Variants in PCDHA2 observed in about 807,000 individuals in gnomAD.
The protein encoded by PCDHA2 is protocadherin alpha 2.
In PCDHA2, 58 loss-of-function variants were observed where a neutral mutation model predicts 66.0. The observed-to-expected ratio is 0.88, with a 90% CI of 0.71 to 1.09. The LOEUF (loss-of-function observed/expected upper bound fraction) is 1.09, where lower values mean the gene tolerates loss of function less well. PCDHA2 is among the 50% of genes least tolerant of loss of function. The pLI, the probability that PCDHA2 is intolerant of heterozygous loss-of-function variation, is 0.00. For synonymous variants in PCDHA2, 634 were observed against 554.0 expected (o/e 1.14, Z -2.03); for missense variants, 1,267 against 1,242.3 (o/e 1.02, Z -0.30).
At chr5:141,000,391 CTCTCTA>C (rs1434799221) in intron 3 of PCDHA2, among the ~76,000 whole-genome samples, 1,083 of 55,870 alleles carry the variant, frequency 0.019, 5 homozygotes, top group Non-Finnish European at 0.023. Context: ...CTCTCTCTCT[CTCTCTA>C]TATATATATA....
At chr5:140,912,174 A>G (rs2075803513) in intron 1 of PCDHA2, among the ~76,000 whole-genome samples, 1 of 152,166 alleles carries the variant, frequency 6.6e-6, no homozygotes, top group Non-Finnish European at 1.5e-5. Flanking sequence ...CTGTGCTGGC[A>G]GCTGATTAGA....
intron 1 of PCDHA2, chr5:140,827,972 T>C: frequency 7.9e-6 from 11 of 1,394,734 alleles, no homozygotes; most frequent in Non-Finnish European, 9.7e-6. Flanking sequence ...TACTGCATCA[T>C]TCCCTGACTG....
intron 1 of PCDHA2, among the ~76,000 whole-genome samples, chr5:140,880,485 G>T (rs957327401): frequency 6.6e-6 from 1 of 152,190 alleles, no homozygotes; most frequent in Non-Finnish European, 1.5e-5. Flanking sequence ...GACACAAGAA[G>T]AGAGCAATTG....
rs781889265 is a variant in PCDHA2, at chr5:140,797,256, C to T, written c.2292C>T (p.Pro764=). The change falls in exon 1 of 4, where the codon CCC becomes CCT. Residue 764 remains proline (P), a synonymous_variant. Transcript: ENST00000526136. ...RRQRVCSGED[P]PKTDLMAFSP... is the part of the protein sequence containing the mutation. ...AGAGGGTGTGCTCTGGGGAGGACCC[C>T]CCCAAGACGGACCTCATGGCCTTCA... The T allele has an allele frequency of 1.2e-6, 2 of 1,614,204 alleles. No individual in the cohort carries two copies. Among genetic ancestry groups the T allele is most frequent in the South Asian group, 2.2e-5 (2 of 91,088 alleles).
At chr5:140,823,299 G>C (rs2150124417) in intron 1 of PCDHA2, 11 of 1,612,248 alleles carry the variant, frequency 6.8e-6, no homozygotes, top group Middle Eastern at 2.0e-4. Context: ...GTTACGTTTC[G>C]GTGCACGCGG....
In PCDHA2 at chr5:140,848,334, A is replaced by G. The variant is rs2150408949; in HGVS notation, c.2388+50982A>G. ...TTGCCGCGATGTTCTCTCTGAATCC[A>G]GACAAATACAGCCCTTTTCCCATGG... On this transcript the variant is annotated intron_variant, in intron 1 of 3. Transcript: ENST00000526136. 43 of 850,658 alleles carry G rather than the reference A, an allele frequency of 5.1e-5. 3 individuals are homozygous for G. Among genetic ancestry groups the G allele is most frequent in the Non-Finnish European group, 7.6e-5 (41 of 539,362 alleles). 52.7% of individuals were successfully genotyped at this position (850,658 alleles called of 1,614,324 possible). A position where few individuals can be genotyped will look rare whatever the true frequency, so the allele number is the denominator to read the frequency against.
chr5:140,974,578 C>A (rs1554236214), intron 1 of PCDHA2, among the ~76,000 whole-genome samples: 1 of 152,170 alleles, frequency 6.6e-6, no homozygotes, highest in Non-Finnish European at 1.5e-5. Flanking sequence ...ATGGCATGAT[C>A]TTGGCTCACT....
At chr5:140,880,403 T>C (rs1474959731) in intron 1 of PCDHA2, among the ~76,000 whole-genome samples, 1 of 152,186 alleles carries the variant, frequency 6.6e-6, no homozygotes, top group Non-Finnish European at 1.5e-5. Flanking sequence ...GAGCATATGG[T>C]TGACCTTAAA....
chr5:140,891,241 G>A (rs2153433469), intron 1 of PCDHA2, among the ~76,000 whole-genome samples: 1 of 152,200 alleles, frequency 6.6e-6, no homozygotes, highest in Middle Eastern at 3.4e-3. Flanking sequence ...TCTGGATTCA[G>A]TAGGATTTTT....
intron 1 of PCDHA2, among the ~76,000 whole-genome samples, chr5:140,889,267 A>T (rs1376262292): frequency 6.6e-6 from 1 of 151,966 alleles, no homozygotes; most frequent in Non-Finnish European, 1.5e-5. Context: ...AAGTTTGTAT[A>T]ATCTTTGAAT....
intron 1 of PCDHA2, chr5:140,876,770 C>T (rs2056573777): frequency 6.2e-7 from 1 of 1,614,248 alleles, no homozygotes; most frequent in Non-Finnish European, 8.5e-7. Context: ...GGGGGCTCGC[C>T]TTCGCTGTGG....
intron 1 of PCDHA2, chr5:140,808,796 G>A (rs782615790): frequency 6.2e-7 from 1 of 1,612,614 alleles, no homozygotes; most frequent in South Asian, 1.1e-5. Context: ...TCAGGTGACC[G>A]CTCGCGATGC....
At chr5:140,967,252 G>A (rs199714982) in intron 1 of PCDHA2, 1 of 1,613,504 alleles carries the variant, frequency 6.2e-7, no homozygotes, top group Non-Finnish European at 8.5e-7. Flanking sequence ...AATCGGTGGC[G>A]CCTGGAGCGC....
chr5:140,795,235 G>A lies in PCDHA2; in HGVS notation c.271G>A (p.Asp91Asn). 6.2e-7 allele frequency: 1 copy of A among 1,614,262 alleles called. No homozygotes were observed. The highest frequency in any genetic ancestry group is 8.5e-7 in the Non-Finnish European group (1 of 1,180,054). Residue 91 changes from aspartate (D) to asparagine (N), a missense_variant, in exon 1 of 4, where the codon GAC (aspartate) becomes AAC (asparagine). By Grantham distance (23) the Asp-to-Asn change is conservative (BLOSUM62 1). Coordinates refer to ENST00000526136, the MANE Select transcript of PCDHA2 (RefSeq NM_018905.3). Reference sequence around the variant, plus strand: ...CATTTTGTTTGTGAATTCTCGGATCGACCGGGAGGAGCTGTGCGGGCGGAG... The same window carrying A: ...CATTTTGTTTGTGAATTCTCGGATCAACCGGGAGGAGCTGTGCGGGCGGAG... ...NGILFVNSRI[D>N]REELCGRSAE...
At chr5:140,942,364 A>AT (rs1401660324) in intron 1 of PCDHA2, among the ~76,000 whole-genome samples, 1 of 152,040 alleles carries the variant, frequency 6.6e-6, no homozygotes, top group Non-Finnish European at 1.5e-5. Context: ...GTTAACGGAG[A>AT]TTGCACCACT....
intron 1 of PCDHA2, among the ~76,000 whole-genome samples, chr5:140,832,044 G>A (rs184906141): frequency 2.0e-4 from 31 of 152,258 alleles, no homozygotes; most frequent in African/African-American, 6.3e-4. Flanking sequence ...TCATAGTGAG[G>A]CCATAATTAC....
At chr5:140,904,107 T>A (rs1214453471) in intron 1 of PCDHA2, among the ~76,000 whole-genome samples, 3 of 152,216 alleles carry the variant, frequency 2.0e-5, no homozygotes, top group Non-Finnish European at 4.4e-5. Context: ...TAGTGGTCAT[T>A]GCTGAGATTT....
intron 1 of PCDHA2, chr5:140,816,314 T>C (rs1409404833): frequency 6.6e-6 from 1 of 152,232 alleles, no homozygotes; most frequent in Non-Finnish European, 1.5e-5. Flanking sequence ...AAATTTTCAG[T>C]TCAATTATTG....
At chr5:140,832,000 T>C (rs1771797790) in intron 1 of PCDHA2, among the ~76,000 whole-genome samples, 1 of 152,228 alleles carries the variant, frequency 6.6e-6, no homozygotes. Flanking sequence ...TTCCATATTG[T>C]TTTCATTTTA....
Sources: gnomAD v4.1 joint callset for allele counts (sites outside exome capture counted in the v4.1 genomes callset) on GRCh38, gnomAD v4.1.1 for gene constraint, MANE v1.5 for transcripts, NCBI Gene and HGNC (gene_info 2026-07-23, HGNC 2026-07-21) for gene names.